Variants in CAB39 observed in about 807,000 individuals in gnomAD.
CAB39 encodes the protein calcium binding protein 39.
Under a neutral mutation model 40.0 loss-of-function variants are expected in CAB39, and 8 were observed. The observed-to-expected ratio is 0.20, with a 90% CI of 0.12 to 0.36. CAB39 has a LOEUF of 0.36. Ranked by LOEUF, CAB39 falls within the 10% of genes least tolerant of loss-of-function variation. The pLI is 1.00. For synonymous variants in CAB39, 156 were observed against 141.6 expected (o/e 1.10, Z -0.72); for missense variants, 270 against 401.1 (o/e 0.67, Z 2.79).
chr2:230,730,849 G>A (rs1694676087), intron 1 of CAB39, among the ~76,000 whole-genome samples: 1 of 152,194 alleles, frequency 6.6e-6, no homozygotes, highest in Non-Finnish European at 1.5e-5. Flanking sequence ...AAAAATTTGT[G>A]CGATGATGGC....
At chr2:230,764,041 G>A (rs1306696804) in intron 2 of CAB39, among the ~76,000 whole-genome samples, 2 of 151,552 alleles carry the variant, frequency 1.3e-5, no homozygotes, top group African/African-American at 4.9e-5. Flanking sequence ...AGAATTGCTT[G>A]AACGGAGGAG....
intron 1 of CAB39, among the ~76,000 whole-genome samples, chr2:230,735,546 T>G (rs923081759): frequency 7.7e-6 from 1 of 130,198 alleles, no homozygotes; most frequent in Non-Finnish European, 1.7e-5. Flanking sequence ...CAGAGTCTCC[T>G]TCTGTCACCC....
chr2:230,807,158 T>C (rs1696210729), intron 5 of CAB39, among the ~76,000 whole-genome samples: 1 of 152,152 alleles, frequency 6.6e-6, no homozygotes, highest in Admixed American at 6.5e-5. Flanking sequence ...CCCTAAACTT[T>C]GCAGGTCTGC....
chr2:230,744,198 C>T (rs1014883291), intron 1 of CAB39, among the ~76,000 whole-genome samples: 1 of 152,104 alleles, frequency 6.6e-6, no homozygotes, highest in Admixed American at 6.5e-5. Context: ...GGATTACAGG[C>T]GTGAGCCACC....
At chr2:230,717,112 A>G (rs1403891863) in intron 1 of CAB39, among the ~76,000 whole-genome samples, 2 of 152,332 alleles carry the variant, frequency 1.3e-5, no homozygotes, top group African/African-American at 2.4e-5. Context: ...TGTTACAGAA[A>G]TGGGACTGTG....
At position 230,814,033 on chromosome 2, in the gene CAB39, T is replaced by C; in HGVS notation, c.628-16T>C. The C allele has an allele frequency of 2.4e-6, 2 of 840,334 alleles. No individual in the cohort carries two copies. The highest frequency in any genetic ancestry group is 1.9e-6 in the Non-Finnish European group (1 of 527,690). 52.1% of individuals were successfully genotyped at this position (840,334 alleles called of 1,614,324 possible). A position where few individuals can be genotyped will look rare whatever the true frequency, so the allele number is the denominator to read the frequency against. On this transcript the variant is annotated splice_polypyrimidine_tract_variant and intron_variant, in intron 6 of 8. Transcript: ENST00000258418. ...TTTTTGGCAATAACCCTGATTTATG[T>C]TCTCTTATCTTTTAGTTTTTCAGTG...
chr2:230,790,852 A>T lies in CAB39; in HGVS notation c.115-20A>T. The T allele has an allele frequency of 6.3e-7, 1 of 1,585,154 alleles. No individual in the cohort carries two copies. The highest frequency in any genetic ancestry group is 8.5e-7 in the Non-Finnish European group (1 of 1,169,824). On this transcript the variant is annotated intron_variant, in intron 2 of 8. Coordinates refer to ENST00000258418, the MANE Select transcript of CAB39 (RefSeq NM_016289.4). ...TGAATTGTTTTTTCTCCTCTTCCCA[A>T]CTCCTCTCTCTAAAATTAGGCTACA...
At chr2:230,755,530 T>C (rs1045348848) in intron 1 of CAB39, among the ~76,000 whole-genome samples, 2 of 152,252 alleles carry the variant, frequency 1.3e-5, no homozygotes, top group African/African-American at 4.8e-5. Flanking sequence ...TTGTTGTAGA[T>C]TCTGGGTGTT....
Position 230,756,025 on chromosome 2 carries a change from G to A in CAB39, c.-43-3934G>A, listed in dbSNP as rs770885917. ...GCTTGATGGTGGACCAGGCCCTTTG[G>A]AAGGCAGCGTCCCCCCCGGGAGAAA... On this transcript the variant is annotated intron_variant, in intron 1 of 8. Transcript: ENST00000258418. Among the ~76,000 whole-genome samples the A allele has an allele frequency of 4.1e-4, 63 of 152,186 alleles. 1 individual carries two copies. Among genetic ancestry groups the A allele is most frequent in the Non-Finnish European group, 6.3e-4 (43 of 68,014 alleles).
chr2:230,790,197 T>C (rs7588218), intron 2 of CAB39, among the ~76,000 whole-genome samples: 36,759 of 151,752 alleles, frequency 0.24, 9,013 homozygotes, highest in African/African-American at 0.64. Flanking sequence ...AGCTGTGATC[T>C]CACCACTGCA....
At chr2:230,777,857 T>C (rs530333623) in intron 2 of CAB39, among the ~76,000 whole-genome samples, 38 of 152,324 alleles carry the variant, frequency 2.5e-4, no homozygotes, top group Non-Finnish European at 1.5e-5. Context: ...TCTGTTTCCA[T>C]AGGGTAAATT....
chr2:230,815,538 C>T (rs1696385300), intron 7 of CAB39, among the ~76,000 whole-genome samples: 1 of 152,286 alleles, frequency 6.6e-6, no homozygotes, highest in South Asian at 2.1e-4. Context: ...CCACAAAGGC[C>T]AGACAGGATA....
At chr2:230,748,831 A>ATATATAT (rs1553669220) in intron 1 of CAB39, among the ~76,000 whole-genome samples, 63 of 28,422 alleles carry the variant, frequency 2.2e-3, no homozygotes, top group East Asian at 2.9e-3. Context: ...AAAAAAAAAA[A>ATATATAT]ATATATATAT....
Position 230,734,345 on chromosome 2 carries a change from A to T in CAB39, c.-44+21115A>T, listed in dbSNP as rs529827764. 6.6e-5 allele frequency among the ~76,000 whole-genome samples: 10 copies of T among 152,190 alleles called. No homozygotes were observed. In the South Asian group the frequency reaches 1.9e-3, roughly 28 times the overall value. On this transcript the variant is annotated intron_variant, in intron 1 of 8. Transcript: ENST00000258418. ...AAATCTGGCCACCTGCATTTCCTAA[A>T]TATGTATCATGGAACTTCAGCCTTT... is the stretch of plus-strand genomic sequence containing the variant.
chr2:230,795,330 C>G (rs7593057), intron 4 of CAB39, among the ~76,000 whole-genome samples: 22,318 of 151,220 alleles, frequency 0.15, 2,446 homozygotes, highest in African/African-American at 0.31. Context: ...GGTTAATACT[C>G]TGAGCTCTCT....
intron 1 of CAB39, among the ~76,000 whole-genome samples, chr2:230,735,397 C>T (rs1038991186): frequency 2.0e-5 from 3 of 151,938 alleles, no homozygotes; most frequent in African/African-American, 4.8e-5. Context: ...GAACTCCTGG[C>T]CTCAAGTGAT....
intron 2 of CAB39, among the ~76,000 whole-genome samples, chr2:230,767,241 C>CT (rs1247999755): frequency 6.6e-6 from 1 of 152,170 alleles, no homozygotes; most frequent in Non-Finnish European, 1.5e-5. Flanking sequence ...TAGCATAACT[C>CT]TATCCTTTCC....
intron 2 of CAB39, among the ~76,000 whole-genome samples, chr2:230,772,908 C>G (rs1402273845): frequency 6.7e-6 from 1 of 149,936 alleles, no homozygotes; most frequent in Non-Finnish European, 1.5e-5. Context: ...TCATAGCGGC[C>G]TTATTTGTAA....
intron 1 of CAB39, among the ~76,000 whole-genome samples, chr2:230,747,879 A>G (rs1336324746): frequency 6.6e-6 from 1 of 152,234 alleles, no homozygotes; most frequent in Non-Finnish European, 1.5e-5. Context: ...TTTAAAGGAA[A>G]TCCCATATCA....
Sources: allele counts gnomAD v4.1 joint callset (sites outside exome capture counted in the v4.1 genomes callset), GRCh38; gene constraint gnomAD v4.1.1; transcripts MANE v1.5; gene names NCBI Gene and HGNC (gene_info 2026-07-23, HGNC 2026-07-21).